The following SAMD4A variants were observed in gnomAD, a reference collection of about 807,000 sequenced individuals.
SAMD4A encodes sterile alpha motif domain containing 4A.
SAMD4A carries 33 observed loss-of-function variants against 81.3 expected under a neutral mutation model. The observed-to-expected ratio is 0.41, with a 90% CI of 0.31 to 0.54. SAMD4A has a LOEUF of 0.54. SAMD4A is among the 20% of genes least tolerant of loss of function. The pLI is 0.37. For synonymous variants in SAMD4A, 389 were observed against 382.1 expected, an observed-to-expected ratio of 1.02 and a Z score of -0.21; for missense variants, 854 against 951.1, an observed-to-expected ratio of 0.90 and a Z score of 1.34.
At chr14:54,729,666 A>T (rs1357318066) in intron 3 of SAMD4A, among the ~76,000 whole-genome samples, 1 of 152,238 alleles carries the variant, frequency 6.6e-6, no homozygotes, top group African/African-American at 2.4e-5. Flanking sequence ...AGGAAAGTAG[A>T]AGTTAACCCA....
chr14:54,572,453 T>G (rs535613560), intron 2 of SAMD4A, among the ~76,000 whole-genome samples: 3 of 152,356 alleles, frequency 2.0e-5, no homozygotes, highest in South Asian at 4.1e-4. Context: ...ACATGCATGA[T>G]CCTCTGAGAG....
rs545210969 is a variant in SAMD4A, at chr14:54,771,737, T to G, written c.1715+1515T>G. 5.3e-5 allele frequency among the ~76,000 whole-genome samples: 8 copies of G among 152,276 alleles called. No individual in the cohort carries two copies. In the South Asian group the frequency reaches 1.0e-3, roughly 20 times the overall value. Reference sequence around the variant, plus strand: ...AGACTCCTCTTGCAACACCAGGCCCTTGGGAGACAAGTTCCAAGAGGAAGA... The same window carrying G: ...AGACTCCTCTTGCAACACCAGGCCCGTGGGAGACAAGTTCCAAGAGGAAGA... On this transcript the variant is annotated intron_variant, in intron 9 of 12. Transcript: ENST00000554335.
intron 2 of SAMD4A, among the ~76,000 whole-genome samples, chr14:54,648,237 TG>T (rs2035326547): frequency 6.6e-6 from 1 of 152,030 alleles, no homozygotes. Flanking sequence ...GGAAGAGGTG[TG>T]GGGTTTCAGT....
intron 11 of SAMD4A, among the ~76,000 whole-genome samples, chr14:54,780,849 T>C (rs772021177): frequency 6.6e-6 from 1 of 152,018 alleles, no homozygotes; most frequent in African/African-American, 2.4e-5. Flanking sequence ...AACTCAGGGA[T>C]GCTATTCATT....
intron 2 of SAMD4A, among the ~76,000 whole-genome samples, chr14:54,593,075 C>G (rs552389010): frequency 1.3e-5 from 2 of 152,338 alleles, no homozygotes; most frequent in African/African-American, 4.8e-5. Context: ...AAATACCCAA[C>G]ATTCAGCTTC....
At chr14:54,678,433 TTGTGTGTGTGTGTGTGTGTGTGTGTGTG>T (rs769193366) in intron 2 of SAMD4A, among the ~76,000 whole-genome samples, 1,002 of 81,238 alleles carry the variant, frequency 0.012, 29 homozygotes, top group Middle Eastern at 0.024. Flanking sequence ...CAGTCACCAT[TTGTGTGTGTGTGTGTGTGTGTGTGTGTG>T]TGTGTGTGTG....
At chr14:54,745,934 T>C (rs1171467921) in intron 4 of SAMD4A, among the ~76,000 whole-genome samples, 1 of 152,184 alleles carries the variant, frequency 6.6e-6, no homozygotes, top group Non-Finnish European at 1.5e-5. Context: ...AAAAGGTAGA[T>C]GGGAAGTTAC....
chr14:54,774,903 T>C (rs1182181006), intron 9 of SAMD4A, 31 bp from the exon 10 acceptor site: 1 of 1,610,854 alleles, frequency 6.2e-7, no homozygotes. Context: ...TAACGACTGA[T>C]ATTCTCTTCC....
intron 2 of SAMD4A, among the ~76,000 whole-genome samples, chr14:54,654,497 T>TA (rs1005164841): frequency 6.6e-6 from 1 of 152,082 alleles, no homozygotes; most frequent in East Asian, 1.9e-4. Flanking sequence ...TCTAACCATT[T>TA]AAAAAAAATT....
At chr14:54,668,781 C>G (rs1449356196) in intron 2 of SAMD4A, 1 of 152,224 alleles carries the variant, frequency 6.6e-6, no homozygotes, top group Non-Finnish European at 1.5e-5. Flanking sequence ...CTCATCATCT[C>G]TATTTTACAG....
intron 3 of SAMD4A, among the ~76,000 whole-genome samples, chr14:54,728,852 G>A (rs1283722963): frequency 6.6e-6 from 1 of 152,172 alleles, no homozygotes; most frequent in African/African-American, 2.4e-5. Context: ...GCAAGGCTCT[G>A]CTGGCCGTAG....
In SAMD4A at chr14:54,792,249, C is replaced by G. The variant is rs2039271587; in HGVS notation, c.*3305C>G. On this transcript the variant is annotated 3_prime_UTR_variant, in exon 13 of 13. Coordinates refer to ENST00000554335, the MANE Select transcript of SAMD4A (RefSeq NM_015589.6). ...TGTCCGGGCGGCTCTTTGCACCGAGCTCTCAAATCCTGTGTATTGAGGGTT... is the reference window on the plus strand; with the variant it reads ...TGTCCGGGCGGCTCTTTGCACCGAGGTCTCAAATCCTGTGTATTGAGGGTT... 1 of 152,204 alleles carries G rather than the reference C, an allele frequency of 6.6e-6. No individual in the cohort carries two copies. Among genetic ancestry groups the G allele is most frequent in the Non-Finnish European group, 1.5e-5 (1 of 68,040 alleles). 9.4% of individuals were successfully genotyped at this position (152,204 alleles called of 1,614,324 possible). A position where few individuals can be genotyped will look rare whatever the true frequency, so the allele number is the denominator to read the frequency against.
intron 2 of SAMD4A, among the ~76,000 whole-genome samples, chr14:54,595,621 C>T (rs930409974): frequency 6.6e-6 from 1 of 151,636 alleles, no homozygotes; most frequent in Non-Finnish European, 1.5e-5. Context: ...TTTTAGTTTA[C>T]GATACTTAGA....
chr14:54,613,305 G>A (rs1458195982), intron 2 of SAMD4A, among the ~76,000 whole-genome samples: 2 of 152,170 alleles, frequency 1.3e-5, no homozygotes, highest in Admixed American at 6.5e-5. Context: ...TGCAGGGGCC[G>A]GGTGGAGACC....
At chr14:54,692,856 T>G (rs1221547696) in intron 2 of SAMD4A, 1 of 147,436 alleles carries the variant, frequency 6.8e-6, no homozygotes, top group Non-Finnish European at 1.5e-5. Context: ...TATGAGGCCT[T>G]ATTGAAACAA....
chr14:54,782,266 A>C (rs1267800355), intron 11 of SAMD4A, among the ~76,000 whole-genome samples: 4 of 152,168 alleles, frequency 2.6e-5, no homozygotes, highest in African/African-American at 9.7e-5. Context: ...GTTTGTTTAA[A>C]GGGGAGCGCT....
At chr14:54,635,603 C>T (rs2035016957) in intron 2 of SAMD4A, among the ~76,000 whole-genome samples, 1 of 146,916 alleles carries the variant, frequency 6.8e-6, no homozygotes, top group South Asian at 2.1e-4. Flanking sequence ...CAAAAATTAG[C>T]TGGGTGTGGT....
intron 2 of SAMD4A, 140 bp from the exon 3 acceptor site, chr14:54,701,922 C>T (rs927421503): frequency 7.7e-6 from 7 of 903,476 alleles, no homozygotes; most frequent in Admixed American, 2.9e-5. Context: ...GTTAACCAAT[C>T]TGATTCACAG....
At chr14:54,763,956 T>C (rs1369756352) in intron 7 of SAMD4A, among the ~76,000 whole-genome samples, 1 of 152,212 alleles carries the variant, frequency 6.6e-6, no homozygotes, top group East Asian at 1.9e-4. Flanking sequence ...GCAGGCCTCC[T>C]GCACATGTGC....
Sources: allele counts gnomAD v4.1 joint callset (sites outside exome capture counted in the v4.1 genomes callset), GRCh38; gene constraint gnomAD v4.1.1; transcripts MANE v1.5; gene names NCBI Gene and HGNC (gene_info 2026-07-23, HGNC 2026-07-21).